The following DPP4 variants were observed in gnomAD, a reference collection of about 807,000 sequenced individuals.
DPP4 encodes dipeptidyl peptidase 4, also known as ADCP-2.
Under a neutral mutation model 122.4 loss-of-function variants are expected in DPP4, and 93 were observed. That is an observed-to-expected ratio of 0.76 (90% CI 0.64 to 0.90). The LOEUF is 0.90. Ranked by LOEUF, DPP4 falls within the 40% of genes least tolerant of loss-of-function variation. The pLI is 0.00. For synonymous variants in DPP4, 321 were observed against 302.9 expected (o/e 1.06, Z -0.62); for missense variants, 914 against 907.3 (o/e 1.01, Z -0.09).
At chr2:162,000,408 C>T (rs759122664) in intron 23 of DPP4, among the ~76,000 whole-genome samples, 9 of 152,136 alleles carry the variant, frequency 5.9e-5, no homozygotes, top group Non-Finnish European at 1.2e-4. Context: ...ACAGGGGGCT[C>T]CACCTCAGGC....
chr2:162,001,042 C>A (rs1453987237), intron 23 of DPP4, among the ~76,000 whole-genome samples: 5 of 152,174 alleles, frequency 3.3e-5, no homozygotes, highest in African/African-American at 7.2e-5. Flanking sequence ...CAATACGTAA[C>A]CTATTGAGAG....
At chr2:162,021,974 T>C (rs1683149557) in intron 12 of DPP4, among the ~76,000 whole-genome samples, 1 of 152,140 alleles carries the variant, frequency 6.6e-6, no homozygotes, top group African/African-American at 2.4e-5. Flanking sequence ...GGACCTCACC[T>C]CTATGATCCA....
In DPP4 at chr2:162,016,881, G is replaced by A. The variant is rs201635954; in HGVS notation, c.1469-15C>T. ...GACTCTCAGCCCTAAAGAAATACAG[G>A]AGACAGCAGTCATTCATTACAATGT... On this transcript the variant is annotated splice_polypyrimidine_tract_variant and intron_variant, in intron 17 of 25. Coordinates refer to ENST00000360534, the MANE Select transcript of DPP4 (RefSeq NM_001935.4). 1.7e-5 allele frequency: 27 copies of A among 1,595,154 alleles called. No individual in the cohort carries two copies. Among genetic ancestry groups the A allele is most frequent in the Non-Finnish European group, 2.2e-5 (26 of 1,172,550 alleles).
intron 16 of DPP4, chr2:162,017,375 G>T: frequency 1.9e-6 from 1 of 521,606 alleles, no homozygotes; most frequent in Non-Finnish European, 3.4e-6. Context: ...AAAGGCACAG[G>T]GCTCAGTAGA....
At position 162,038,983 on chromosome 2, in the gene DPP4, T is replaced by G; in HGVS notation, c.458A>C (p.Gln153Pro). The G allele has an allele frequency of 7.4e-6, 12 of 1,613,502 alleles. No homozygotes were observed. The highest frequency in any genetic ancestry group is 1.0e-5 in the Non-Finnish European group (12 of 1,179,522). ...ITEERIPNNT[Q>P]WVTWSPVGHK... ...ACCCACTGGTGACCATGTGACCCAC[T>G]GTGTGTTGTTTGGAATCCTCTCTTC... The change falls in exon 7 of 26, where the codon CAG (glutamine) becomes CCG (proline). Residue 153 changes from glutamine to proline, a missense_variant. Coordinates refer to ENST00000360534, the MANE Select transcript of DPP4 (RefSeq NM_001935.4).
At chr2:162,020,318 C>CAA (rs35175377) in intron 13 of DPP4, 22 bp from the exon 14 acceptor site, 602 of 950,556 alleles carry the variant, frequency 6.3e-4, no homozygotes, top group South Asian at 9.9e-4. Context: ...TTTTTTTTTT[C>CAA]AAAAAAAAAA....
intron 2 of DPP4, among the ~76,000 whole-genome samples, chr2:162,058,593 T>C (rs956441533): frequency 1.3e-5 from 2 of 152,256 alleles, no homozygotes; most frequent in Non-Finnish European, 2.9e-5. Flanking sequence ...GTTATTCAAG[T>C]TAGACATTAT....
intron 16 of DPP4, 199 bp from the exon 17 acceptor site, chr2:162,017,354 A>C: frequency 3.5e-6 from 2 of 569,600 alleles, no homozygotes; most frequent in Non-Finnish European, 6.2e-6. Context: ...CAGTGTAAGA[A>C]GTATTACTGG....
In DPP4 at chr2:162,005,752, T is replaced by C; in HGVS notation, c.2045A>G (p.His682Arg). The change falls in exon 23 of 26, where the codon CAT becomes CGT. Residue 682 changes from histidine to arginine, a missense_variant. His to Arg is a conservative substitution (Grantham distance 29). Coordinates refer to ENST00000360534, the MANE Select transcript of DPP4 (RefSeq NM_001935.4). ...TAGGTCCTCATCTCTTACTCTGTAA[T>C]GGTCAAGGTTGTCTTCTGGAGTTGG... is the stretch of plus-strand genomic sequence containing the variant. ...GLPTPEDNLD[H>R]YRNSTVMSRA... 2 of 1,612,772 alleles carry C rather than the reference T, an allele frequency of 1.2e-6. No homozygotes were observed. The highest frequency in any genetic ancestry group is 1.7e-6 in the Non-Finnish European group (2 of 1,179,306).
chr2:162,016,527 T>A (rs1338298881), intron 18 of DPP4, among the ~76,000 whole-genome samples: 1 of 152,242 alleles, frequency 6.6e-6, no homozygotes. Context: ...GAACTAACGA[T>A]AGAGCATGTT....
chr2:162,057,022 T>A (rs1441300399), intron 2 of DPP4, among the ~76,000 whole-genome samples: 1 of 152,070 alleles, frequency 6.6e-6, no homozygotes, highest in Non-Finnish European at 1.5e-5. Flanking sequence ...ATAAAGACCA[T>A]TTTGGACAGT....
At chr2:162,002,760 T>G (rs1701183317) in intron 23 of DPP4, among the ~76,000 whole-genome samples, 1 of 152,026 alleles carries the variant, frequency 6.6e-6, no homozygotes, top group Non-Finnish European at 1.5e-5. Context: ...GAGGGGCAGC[T>G]GGGGCCTTGG....
intron 2 of DPP4, among the ~76,000 whole-genome samples, chr2:162,053,296 GTCCC>G (rs1320954104): frequency 1.3e-5 from 2 of 152,224 alleles, no homozygotes; most frequent in Non-Finnish European, 2.9e-5. Flanking sequence ...TATTGCTGCT[GTCCC>G]TCCCATCACA....
intron 22 of DPP4, among the ~76,000 whole-genome samples, chr2:162,008,081 G>C (rs924222519): frequency 6.6e-6 from 1 of 151,926 alleles, no homozygotes; most frequent in African/African-American, 2.4e-5. Context: ...CGATGACAAA[G>C]AGCATATTCT....
chr2:162,011,746 G>A (rs750280456), intron 20 of DPP4, 47 bp downstream of exon 20: 1 of 1,578,254 alleles, frequency 6.3e-7, no homozygotes, highest in Non-Finnish European at 8.6e-7. Context: ...AATTTTAAAG[G>A]GGAAAAAAAA....
intron 23 of DPP4, among the ~76,000 whole-genome samples, chr2:161,996,579 G>A (rs1015658724): frequency 1.4e-4 from 21 of 152,288 alleles, no homozygotes; most frequent in Admixed American, 1.1e-3. Flanking sequence ...TGCTCCTTGA[G>A]CTTTGATTTC....
chr2:162,070,987 T>C (rs1685094836), intron 2 of DPP4, among the ~76,000 whole-genome samples: 2 of 152,148 alleles, frequency 1.3e-5, no homozygotes, highest in Admixed American at 1.3e-4. Context: ...CGAAGTCCAG[T>C]CATTCACATT....
chr2:162,035,151 C>A lies in DPP4; in HGVS notation c.774+13G>T. 1 of 1,607,708 alleles carries A rather than the reference C, an allele frequency of 6.2e-7. No homozygotes were observed. The highest frequency in any genetic ancestry group is 1.1e-5 in the South Asian group (1 of 89,772). On this transcript the variant is annotated intron_variant, in intron 9 of 25. Coordinates refer to ENST00000360534, the MANE Select transcript of DPP4 (RefSeq NM_001935.4). ...TCAAATCATGGAACCACTGTACAAA[C>A]AGGAGCACAGACCTTTGGATATGGA...
At position 162,038,373 on chromosome 2, in the gene DPP4, G is replaced by T. The variant is rs756467001; in HGVS notation, c.542C>A (p.Pro181Gln). Residue 181 changes from proline to glutamine, a missense_variant, in exon 8 of 26, where the codon CCA (proline) becomes CAA (glutamine). By Grantham distance (76) the Pro-to-Gln change is moderately conservative. Coordinates refer to ENST00000360534, the MANE Select transcript of DPP4 (RefSeq NM_001935.4). The part of the protein sequence containing the change: ...DIYVKIEPNL[P>Q]SYRITWTGKE... The stretch of plus-strand genomic sequence containing the variant: ...CCCCGTCCATGTGATTCTGTAACTT[G>T]GTAAATTTGGTTCAATTTTAACATA... 1.2e-6 allele frequency: 2 copies of T among 1,607,980 alleles called. No homozygotes were observed. The highest frequency in any genetic ancestry group is 2.2e-5 in the East Asian group (1 of 44,594).
Sources: allele counts gnomAD v4.1 joint callset (sites outside exome capture counted in the v4.1 genomes callset), GRCh38; gene constraint gnomAD v4.1.1; transcripts MANE v1.5; gene names NCBI Gene and HGNC (gene_info 2026-07-23, HGNC 2026-07-21).